Variants in SIPA1L3 observed in about 807,000 individuals in gnomAD.
SIPA1L3 encodes signal-induced proliferation-associated 1-like protein 3.
A neutral mutation model predicts 150.1 loss-of-function variants in SIPA1L3; 59 were observed. The observed-to-expected ratio is 0.39, with a 90% CI of 0.32 to 0.49. The LOEUF is 0.49. SIPA1L3 is among the 20% of genes least tolerant of loss of function. The probability of loss-of-function intolerance (pLI) is 0.86; values close to 1 mark genes in which losing one functional copy is unlikely to be tolerated. For synonymous variants in SIPA1L3, 1,070 were observed against 1,077.6 expected (o/e 0.99, Z 0.14); for missense variants, 2,211 against 2,489.5 (o/e 0.89, Z 2.38).
At chr19:38,116,638 A>G (rs899880884) in intron 8 of SIPA1L3, among the ~76,000 whole-genome samples, 3 of 151,830 alleles carry the variant, frequency 2.0e-5, no homozygotes, top group Non-Finnish European at 4.4e-5. Context: ...ACTTGAGGCC[A>G]GGAATTCGAG....
chr19:37,909,267 G>A (rs1011407607), intron 1 of SIPA1L3, among the ~76,000 whole-genome samples: 3 of 152,174 alleles, frequency 2.0e-5, no homozygotes, highest in African/African-American at 7.2e-5. Flanking sequence ...GAGTGCAGTG[G>A]CACAATCTCA....
At position 38,073,776 on chromosome 19, in the gene SIPA1L3, C is replaced by G. The variant is rs148977903; in HGVS notation, c.-310-7480C>G. ...AGAAGCCAGGTCCACTGTGCCTGCC[C>G]CTGCAAGGACACTTTCCAGCCTCAC... is the stretch of plus-strand genomic sequence containing the variant. On this transcript the variant is annotated intron_variant, in intron 2 of 21. Coordinates refer to ENST00000222345, the MANE Select transcript of SIPA1L3 (RefSeq NM_015073.3). Among the ~76,000 whole-genome samples, 337 of 152,252 alleles carry G rather than the reference C, an allele frequency of 2.2e-3. 2 individuals carry two copies. Among genetic ancestry groups the G allele is most frequent in the African/African-American group, 7.8e-3 (326 of 41,540 alleles).
Position 38,142,675 on chromosome 19 carries a change from GGCCACCTACGTGAGATACAA to G in SIPA1L3, c.3503_3522del (p.Thr1168IlefsTer16). 2 of 1,613,908 alleles carry G rather than the reference GGCCACCTACGTGAGATACAA, an allele frequency of 1.2e-6. No individual in the cohort carries two copies. Among genetic ancestry groups the G allele is most frequent in the Non-Finnish European group, 1.7e-6 (2 of 1,179,908 alleles). The stretch of plus-strand genomic sequence containing the variant: ...CTGGGAGCTTCTCCACCCCCGGTTC[GGCCACCTACGTGAGATACAA>G]GCCATCCCCAGAAAGGTCAGCCTCC... On this transcript the variant is annotated frameshift_variant, in exon 12 of 22. Coordinates refer to ENST00000222345, the MANE Select transcript of SIPA1L3 (RefSeq NM_015073.3). LOFTEE classifies it high-confidence loss of function.
chr19:38,136,181 C>G (rs141868379), intron 10 of SIPA1L3, among the ~76,000 whole-genome samples: 14 of 29,620 alleles, frequency 4.7e-4, no homozygotes, highest in East Asian at 5.1e-3. Context: ...GTGAGACTGT[C>G]TCAAAAAAAA....
chr19:38,001,968 A>G (rs930962553), intron 1 of SIPA1L3, among the ~76,000 whole-genome samples: 3 of 152,236 alleles, frequency 2.0e-5, no homozygotes, highest in Non-Finnish European at 2.9e-5. Context: ...ACTGTAAAAA[A>G]GAAAATATGC....
At chr19:38,061,676 CAG>C (rs1195248407) in intron 2 of SIPA1L3, among the ~76,000 whole-genome samples, 2 of 151,742 alleles carry the variant, frequency 1.3e-5, no homozygotes, top group Admixed American at 1.3e-4. Flanking sequence ...GACAGGAGTA[CAG>C]AGAGATGGAG....
chr19:37,921,213 A>G (rs1413931630), intron 1 of SIPA1L3, among the ~76,000 whole-genome samples: 2 of 152,372 alleles, frequency 1.3e-5, no homozygotes, highest in Non-Finnish European at 1.5e-5. Context: ...GCTAGCAGCT[A>G]CAACGCCTTT....
intron 13 of SIPA1L3, 51 bp from the exon 14 acceptor site, chr19:38,162,202 C>A: frequency 6.9e-7 from 1 of 1,452,578 alleles, no homozygotes; most frequent in Non-Finnish European, 9.7e-7. Context: ...ATTCTTCAGG[C>A]CCTGGCCTGA....
chr19:38,046,701 A>G lies in SIPA1L3; in HGVS notation c.-311+17545A>G, dbSNP rs764586424. ...GGATTTTCCGGGTGTGGAGGGGCCCAGGTCCCCCGAGCAGCTCCTCTGACC... is the reference window on the plus strand; with the variant it reads ...GGATTTTCCGGGTGTGGAGGGGCCCGGGTCCCCCGAGCAGCTCCTCTGACC... On this transcript the variant is annotated intron_variant, in intron 2 of 21. Transcript: ENST00000222345. The surrounding 1 kb of genome is among the most constrained non-coding windows in gnomAD (Gnocchi z 5.6). Among the ~76,000 whole-genome samples the G allele has an allele frequency of 6.6e-6, 1 of 152,154 alleles. No homozygotes were observed. Among genetic ancestry groups the G allele is most frequent in the Non-Finnish European group, 1.5e-5 (1 of 68,010 alleles).
intron 1 of SIPA1L3, among the ~76,000 whole-genome samples, chr19:37,975,254 G>A (rs1359084049): frequency 6.6e-6 from 1 of 152,198 alleles, no homozygotes; most frequent in Non-Finnish European, 1.5e-5. Context: ...GCATATTAAT[G>A]TGCGGAACCC....
chr19:38,087,054 A>G (rs946691570), intron 3 of SIPA1L3, among the ~76,000 whole-genome samples: 10 of 152,190 alleles, frequency 6.6e-5, no homozygotes, highest in Non-Finnish European at 1.2e-4. Context: ...TTCTTGCTAA[A>G]CTGACTTAGC....
intron 13 of SIPA1L3, among the ~76,000 whole-genome samples, chr19:38,154,636 C>T (rs332851): frequency 0.34 from 51,679 of 151,776 alleles, 10,315 homozygotes; most frequent in Middle Eastern, 0.51. Flanking sequence ...TTAGTAGAGA[C>T]GGGGTTTCAC....
At chr19:38,037,708 T>C (rs566050786) in intron 2 of SIPA1L3, among the ~76,000 whole-genome samples, 2 of 152,214 alleles carry the variant, frequency 1.3e-5, no homozygotes, top group African/African-American at 2.4e-5. Flanking sequence ...GGCAGATACA[T>C]AGGATAATTT....
intron 7 of SIPA1L3, among the ~76,000 whole-genome samples, chr19:38,107,036 C>G (rs1451692794): frequency 6.6e-6 from 1 of 152,200 alleles, no homozygotes; most frequent in African/African-American, 2.4e-5. Flanking sequence ...AGAGGGCTGG[C>G]CTCAGGTCTG....
At chr19:37,944,292 A>AT (rs1555768011) in intron 1 of SIPA1L3, among the ~76,000 whole-genome samples, 1 of 151,424 alleles carries the variant, frequency 6.6e-6, no homozygotes, top group Non-Finnish European at 1.5e-5. Flanking sequence ...AAAAAAAAAA[A>AT]GCATGAAGAT....
intron 14 of SIPA1L3, among the ~76,000 whole-genome samples, chr19:38,163,206 C>T (rs765928386): frequency 3.9e-5 from 6 of 152,028 alleles, no homozygotes; most frequent in Admixed American, 1.3e-4. Flanking sequence ...AGAAAAAGTG[C>T]GGGCTGGGCG....
intron 1 of SIPA1L3, among the ~76,000 whole-genome samples, chr19:37,998,018 G>T (rs1266398632): frequency 1.3e-5 from 2 of 152,168 alleles, no homozygotes; most frequent in African/African-American, 4.8e-5. Context: ...TCAAATCCCA[G>T]CCCCAGCTGG....
chr19:38,109,813 T>G, intron 7 of SIPA1L3: 1 of 170,690 alleles, frequency 5.9e-6, no homozygotes, highest in Non-Finnish European at 1.3e-5. Context: ...CTGCTGAGTG[T>G]CAATAAGTGT....
chr19:38,050,226 C>T (rs933930018), intron 2 of SIPA1L3, among the ~76,000 whole-genome samples: 1 of 152,154 alleles, frequency 6.6e-6, no homozygotes, highest in Admixed American at 6.5e-5. Flanking sequence ...GAGGCCGAGG[C>T]AGGTGGATCA....
Sources: gnomAD v4.1 joint callset for allele counts (sites outside exome capture counted in the v4.1 genomes callset) on GRCh38, gnomAD v4.1.1 for gene constraint, Gnocchi (gnomAD v3.1) non-coding constraint, MANE v1.5 for transcripts, NCBI Gene and HGNC (gene_info 2026-07-23, HGNC 2026-07-21) for gene names.